VPS37A: variants seen among roughly 807,000 people sequenced by gnomAD.
VPS37A encodes the protein VPS37A subunit of ESCRT-I.
Under a neutral mutation model 49.8 loss-of-function variants are expected in VPS37A, and 30 were observed. That is an observed-to-expected ratio of 0.60 (90% CI 0.45 to 0.82). The LOEUF (loss-of-function observed/expected upper bound fraction) is 0.82, where lower values mean the gene tolerates loss of function less well. Ranked by LOEUF, VPS37A falls within the 40% of genes least tolerant of loss-of-function variation. VPS37A has a pLI of 0.00. For missense variants in VPS37A, 593 were observed against 464.4 expected (o/e 1.28, Z -2.55); for synonymous variants, 195 against 160.6 (o/e 1.21, Z -1.62).
intron 1 of VPS37A, among the ~76,000 whole-genome samples, chr8:17,253,445 A>G (rs1005080749): frequency 6.6e-6 from 1 of 152,208 alleles, no homozygotes; most frequent in Non-Finnish European, 1.5e-5. Context: ...CCTTAACTTG[A>G]TTCCTGGTTG....
chr8:17,308,048 AAAAAAT>A, the VPS37A span, among the ~76,000 whole-genome samples: 11 of 119,112 alleles, frequency 9.2e-5, no homozygotes, highest in African/African-American at 2.5e-4. Context: ...TAATAAAATT[AAAAAAT>A]AAAAATAAAA....
intron 1 of VPS37A, among the ~76,000 whole-genome samples, chr8:17,250,369 AACAG>A (rs753885751): frequency 8.0e-4 from 121 of 152,182 alleles, no homozygotes; most frequent in Admixed American, 6.0e-3. Context: ...TTTTTGTGCG[AACAG>A]ACAGATTGGT....
chr8:17,263,783 AAT>A (rs1344088881), intron 1 of VPS37A, among the ~76,000 whole-genome samples: 5 of 151,928 alleles, frequency 3.3e-5, no homozygotes, highest in Non-Finnish European at 7.4e-5. Flanking sequence ...TTATCTACAA[AAT>A]ATATATATAA....
chr8:17,280,666 A>G (rs1814974101), intron 9 of VPS37A, among the ~76,000 whole-genome samples: 2 of 152,028 alleles, frequency 1.3e-5, no homozygotes, highest in African/African-American at 4.8e-5. Context: ...GAAAATTATG[A>G]CAGGCCCTGA....
intron 1 of VPS37A, among the ~76,000 whole-genome samples, chr8:17,251,965 A>G (rs1378224758): frequency 6.6e-6 from 1 of 152,148 alleles, no homozygotes; most frequent in Non-Finnish European, 1.5e-5. Flanking sequence ...GATTCTGAGT[A>G]AGCTTAAATT....
intron 6 of VPS37A, among the ~76,000 whole-genome samples, chr8:17,279,330 A>T (rs1358532774): frequency 1.3e-5 from 2 of 152,140 alleles, no homozygotes; most frequent in African/African-American, 4.8e-5. Flanking sequence ...GGAAAAAGCC[A>T]AAATGTTACA....
At chr8:17,325,955 C>A in the VPS37A span, among the ~76,000 whole-genome samples, 2 of 152,226 alleles carry the variant, frequency 1.3e-5, no homozygotes, top group Admixed American at 1.3e-4. Flanking sequence ...GCATACCCAC[C>A]TTACACTGGA....
At chr8:17,268,806 A>T in intron 3 of VPS37A, 50 bp from the exon 4 acceptor site, 1 of 1,245,852 alleles carries the variant, frequency 8.0e-7, no homozygotes, top group Non-Finnish European at 1.2e-6. Context: ...ATGAGACTTT[A>T]TAATCTTTTT....
At chr8:17,318,557 TC>T in the VPS37A span, among the ~76,000 whole-genome samples, 3 of 152,204 alleles carry the variant, frequency 2.0e-5, no homozygotes, top group African/African-American at 4.8e-5. Context: ...GACTCGCTCT[TC>T]CTGTGGTTCC....
At chr8:17,330,771 T>A in the VPS37A span, among the ~76,000 whole-genome samples, 3 of 152,180 alleles carry the variant, frequency 2.0e-5, no homozygotes, top group Admixed American at 6.5e-5. Flanking sequence ...CAAGGATCAG[T>A]TTTTGAGCCT....
chr8:17,321,873 G>C, the VPS37A span, among the ~76,000 whole-genome samples: 2 of 152,140 alleles, frequency 1.3e-5, no homozygotes, highest in African/African-American at 4.8e-5. Flanking sequence ...AAATAAAAAA[G>C]CAAAGACAAA....
chr8:17,318,875 C>T, the VPS37A span, among the ~76,000 whole-genome samples: 7 of 152,002 alleles, frequency 4.6e-5, no homozygotes, highest in Admixed American at 3.9e-4. Flanking sequence ...AGTGACTTGT[C>T]CTCTGCTCTT....
downstream of VPS37A, chr8:17,300,083 AT>A: frequency 6.2e-7 from 1 of 1,614,074 alleles, no homozygotes; most frequent in Admixed American, 1.7e-5. Context: ...GATGGAAATG[AT>A]TTCATATTCC....
In VPS37A at chr8:17,296,464, C is replaced by A. The variant is rs1227957926; in HGVS notation, c.*1478C>A. 2 of 152,086 alleles carry A rather than the reference C, an allele frequency of 1.3e-5. No individual in the cohort carries two copies. The highest frequency in any genetic ancestry group is 4.8e-5 in the African/African-American group (2 of 41,406). 9.4% of individuals were successfully genotyped at this position (152,086 alleles called of 1,614,324 possible). On this transcript the variant is annotated 3_prime_UTR_variant, in exon 12 of 12. Transcript: ENST00000324849. ...TCTTTTGGGTATTCAGAAACCTTTC[C>A]TTATACTGCACTGGCCACCAGAGCT...
the VPS37A span, among the ~76,000 whole-genome samples, chr8:17,318,076 C>T: frequency 6.6e-6 from 1 of 152,164 alleles, no homozygotes; most frequent in South Asian, 2.1e-4. Context: ...TAAAAAAAAT[C>T]CACTCATGCA....
chr8:17,333,359 A>C, the VPS37A span, among the ~76,000 whole-genome samples: 1 of 152,250 alleles, frequency 6.6e-6, no homozygotes, highest in Non-Finnish European at 1.5e-5. Flanking sequence ...TCCAAAACTA[A>C]TAAAATATCA....
At chr8:17,247,656 C>T in intron 1 of VPS37A, 1 of 704,036 alleles carries the variant, frequency 1.4e-6, no homozygotes, top group East Asian at 2.7e-5. Flanking sequence ...CTCTCATAGT[C>T]TATTTCCAGT....
the VPS37A span, among the ~76,000 whole-genome samples, chr8:17,323,021 C>A: frequency 7.2e-6 from 1 of 138,098 alleles, no homozygotes; most frequent in Non-Finnish European, 1.5e-5. Flanking sequence ...GATCTCGGCT[C>A]ACTGTAACCT....
At position 17,280,837 on chromosome 8, in the gene VPS37A, T is replaced by G. The variant is rs1248188900; in HGVS notation, c.969+394T>G. The stretch of plus-strand genomic sequence containing the variant: ...AATAATATATGAAAAATATATAGTA[T>G]TATCTGCTACAAATAAGTTTTATGC... On this transcript the variant is annotated intron_variant, in intron 9 of 11. Transcript: ENST00000324849. 4.6e-5 allele frequency among the ~76,000 whole-genome samples: 7 copies of G among 152,060 alleles called. No individual in the cohort carries two copies. In the South Asian group the frequency reaches 1.5e-3, roughly 32 times the overall value.
Sources: gnomAD v4.1 joint callset for allele counts (sites outside exome capture counted in the v4.1 genomes callset) on GRCh38, gnomAD v4.1.1 for gene constraint, MANE v1.5 for transcripts, NCBI Gene and HGNC (gene_info 2026-07-23, HGNC 2026-07-21) for gene names.